RSL1D1: variants seen among roughly 807,000 people sequenced by gnomAD.
RSL1D1 encodes ribosomal L1 domain-containing protein 1.
Under a neutral mutation model 44.6 loss-of-function variants are expected in RSL1D1, and 34 were observed. The ratio of observed to expected loss-of-function variants is 0.76; its 90% CI spans 0.58 to 1.02. The LOEUF (loss-of-function observed/expected upper bound fraction) is 1.02. Among genes scored for constraint, RSL1D1 ranks in the 50% least tolerant of loss-of-function variants. The pLI is 0.00. For missense variants in RSL1D1, 767 were observed against 568.1 expected (o/e 1.35, Z -3.56); for synonymous variants, 271 against 207.4 (o/e 1.31, Z -2.63).
chr16:11,840,855 C>T (rs191538663), intron 7 of RSL1D1, among the ~76,000 whole-genome samples: 23 of 152,264 alleles, frequency 1.5e-4, no homozygotes, highest in Non-Finnish European at 2.4e-4. Context: ...GATGAAACAG[C>T]GCCTTTTCTA....
At chr16:11,843,481 C>T (rs867366752) in intron 5 of RSL1D1, among the ~76,000 whole-genome samples, 10 of 152,122 alleles carry the variant, frequency 6.6e-5, no homozygotes, top group Non-Finnish European at 1.2e-4. Context: ...TCGCTGAGTC[C>T]GCCTTCAAGC....
At chr16:11,847,456 C>A (rs2053806833) in intron 3 of RSL1D1, 2 of 474,488 alleles carry the variant, frequency 4.2e-6, no homozygotes, top group South Asian at 2.8e-5. Flanking sequence ...CAGAGAAAAA[C>A]AAGATGCTGT....
At chr16:11,838,772 G>A (rs1402789017) in intron 8 of RSL1D1, among the ~76,000 whole-genome samples, 1 of 149,728 alleles carries the variant, frequency 6.7e-6, no homozygotes. Flanking sequence ...CACGAGAATT[G>A]CTTGGGCACG....
chr16:11,847,685 T>C lies in RSL1D1; in HGVS notation c.367A>G (p.Ile123Val), dbSNP rs887785400. Residue 123 changes from isoleucine to valine, a missense_variant, in exon 3 of 9, where the codon ATT (isoleucine) becomes GTT (valine). By Grantham distance (29) the Ile-to-Val change is conservative (BLOSUM62 3). Transcript: ENST00000571133. ...CTTCCTACCTGAGAAACGGTTTTAA[T>C]TCCATGCTTGTTTAAAAGCTTTCTA... ...FYRKLLNKHG[I>V]KTVSQIISLQ... 3.1e-6 allele frequency: 5 copies of C among 1,611,688 alleles called. No homozygotes were observed. The highest frequency in any genetic ancestry group is 1.7e-6 in the Non-Finnish European group (2 of 1,179,256).
chr16:11,839,139 G>T (rs962221105), intron 8 of RSL1D1, among the ~76,000 whole-genome samples: 2 of 152,028 alleles, frequency 1.3e-5, no homozygotes, highest in Non-Finnish European at 2.9e-5. Flanking sequence ...GACAAGGCGG[G>T]CGGATCACCT....
chr16:11,851,165 T>C, intron 1 of RSL1D1: 1 of 564,958 alleles, frequency 1.8e-6, no homozygotes, highest in South Asian at 2.0e-5. Context: ...TCGCCAGGTC[T>C]ATCTCATCTA....
chr16:11,842,611 T>A (rs960521602), intron 5 of RSL1D1, among the ~76,000 whole-genome samples: 5 of 152,072 alleles, frequency 3.3e-5, no homozygotes, highest in African/African-American at 1.2e-4. Context: ...TGGGCTCAAG[T>A]GATCCTCCTG....
In RSL1D1 at chr16:11,841,799, G is replaced by C. The variant is rs1460777135; in HGVS notation, c.751C>G (p.Leu251Val). Residue 251 changes from leucine to valine, a missense_variant, in exon 7 of 9, where the codon CTG (leucine) becomes GTG (valine). By Grantham distance (32) the Leu-to-Val change is conservative. Transcript: ENST00000571133. ...LPEKWESVKL[L>V]FVKTEKSAAL... ...GCCGATTTCTCAGTTTTCACAAACA[G>C]GAGTTTCACGCTCTCCCACTTCTGA... The C allele has an allele frequency of 6.2e-7, 1 of 1,613,968 alleles. No individual in the cohort carries two copies. The highest frequency in any genetic ancestry group is 1.1e-5 in the South Asian group (1 of 90,984).
rs891980645 is a variant in RSL1D1, at chr16:11,850,198, T to C, written c.245+81A>G. The C allele has an allele frequency of 3.0e-6, 4 of 1,350,390 alleles. No homozygotes were observed. In the African/African-American group the frequency reaches 6.0e-5, roughly 20 times the overall value. 83.7% of individuals were successfully genotyped at this position (1,350,390 alleles called of 1,614,324 possible). On this transcript the variant is annotated intron_variant, in intron 2 of 8. Coordinates refer to ENST00000571133, the MANE Select transcript of RSL1D1 (RefSeq NM_015659.3). ...TATTATAAGTTTGCAAAGTTTCCAT[T>C]AGTAACCATGATGCAATTGTTCGAG...
chr16:11,848,610 C>T (rs533083927), intron 2 of RSL1D1, among the ~76,000 whole-genome samples: 2 of 152,244 alleles, frequency 1.3e-5, no homozygotes, highest in South Asian at 4.2e-4. Context: ...CGATAGCCTC[C>T]AGCATAGCTG....
In RSL1D1 at chr16:11,850,396, A is replaced by G; in HGVS notation, c.128T>C (p.Leu43Pro). The G allele has an allele frequency of 6.3e-7, 1 of 1,599,188 alleles. No homozygotes were observed. Among genetic ancestry groups the G allele is most frequent in the Non-Finnish European group, 8.5e-7 (1 of 1,176,472 alleles). The change falls in exon 2 of 9, where the codon CTC (leucine) becomes CCC (proline). Residue 43 changes from leucine (L) to proline (P), a missense_variant. Coordinates refer to ENST00000571133, the MANE Select transcript of RSL1D1 (RefSeq NM_015659.3). Reference protein sequence around the residue: ...KEQVRKAVDALLTHCKSRKNN... With the variant: ...KEQVRKAVDAPLTHCKSRKNN... ...TTTCCTGGACTTGCAATGCGTCAAG[A>G]GAGCGTCCACTGCCTTTCTAACCTG...
At chr16:11,842,395 A>G (rs991972059) in intron 5 of RSL1D1, among the ~76,000 whole-genome samples, 1 of 152,154 alleles carries the variant, frequency 6.6e-6, no homozygotes, top group African/African-American at 2.4e-5. Flanking sequence ...TTCTAAATAT[A>G]TTTTATTTCA....
intron 5 of RSL1D1, among the ~76,000 whole-genome samples, chr16:11,843,634 C>G (rs1474986331): frequency 6.6e-6 from 1 of 151,624 alleles, no homozygotes; most frequent in Non-Finnish European, 1.5e-5. Flanking sequence ...GTTGGGAGGC[C>G]AAGGTGGGCA....
chr16:11,850,824 A>C (rs1001671116), intron 1 of RSL1D1, among the ~76,000 whole-genome samples: 10 of 152,260 alleles, frequency 6.6e-5, no homozygotes, highest in Admixed American at 5.9e-4. Context: ...CGAGTAGCTG[A>C]GATTACAGGC....
At position 11,837,758 on chromosome 16, in the gene RSL1D1, G is replaced by A; in HGVS notation, c.*29C>T. On this transcript the variant is annotated 3_prime_UTR_variant, in exon 9 of 9. Coordinates refer to ENST00000571133, the MANE Select transcript of RSL1D1 (RefSeq NM_015659.3). Reference sequence around the variant, plus strand: ...TCCAAAAAGCTCTGGAGGCAGCATTGAGGTTTCCTTCCAGTTGAATCACTG... The same window carrying A: ...TCCAAAAAGCTCTGGAGGCAGCATTAAGGTTTCCTTCCAGTTGAATCACTG... 6.4e-7 allele frequency: 1 copy of A among 1,561,668 alleles called. No homozygotes were observed. Among genetic ancestry groups the A allele is most frequent in the Non-Finnish European group, 8.7e-7 (1 of 1,148,878 alleles).
At chr16:11,847,448 G>C (rs1371513852) in intron 3 of RSL1D1, 2 of 463,444 alleles carry the variant, frequency 4.3e-6, no homozygotes, top group East Asian at 3.9e-5. Context: ...CAGCAAATCA[G>C]AGAAAAACAA....
At chr16:11,841,608 G>A (rs558606413) in intron 7 of RSL1D1, 87 bp downstream of exon 7, 29 of 1,226,364 alleles carry the variant, frequency 2.4e-5, no homozygotes, top group Middle Eastern at 5.5e-4. Flanking sequence ...CTGAAAAGTC[G>A]GGCAGCGATG....
Position 11,835,374 on chromosome 16 carries a change from G to A in RSL1D1, c.*2413C>T, listed in dbSNP as rs1161580961. The A allele has an allele frequency of 6.6e-6, 1 of 151,802 alleles. No individual in the cohort carries two copies. The highest frequency in any genetic ancestry group is 1.9e-4 in the East Asian group (1 of 5,166). The allele number at this position is 151,802 out of a possible 1,614,324, so 9.4% of individuals were successfully genotyped here. ...TTTTTGTATTTTTAGTAGAGATGGG[G>A]TTTCACCATGTAAGCCAGGCTGGTC... is the stretch of plus-strand genomic sequence containing the variant. On this transcript the variant is annotated 3_prime_UTR_variant, in exon 9 of 9. Coordinates refer to ENST00000571133, the MANE Select transcript of RSL1D1 (RefSeq NM_015659.3).
At chr16:11,848,301 C>A (rs2053813305) in intron 2 of RSL1D1, among the ~76,000 whole-genome samples, 1 of 152,054 alleles carries the variant, frequency 6.6e-6, no homozygotes, top group Non-Finnish European at 1.5e-5. Flanking sequence ...GCAAGTAAAT[C>A]ACAAAAACAC....
Sources: gnomAD v4.1 joint callset for allele counts (sites outside exome capture counted in the v4.1 genomes callset) on GRCh38, gnomAD v4.1.1 for gene constraint, MANE v1.5 for transcripts, NCBI Gene and HGNC (gene_info 2026-07-23, HGNC 2026-07-21) for gene names.